FAM107B: variants seen among roughly 807,000 people sequenced by gnomAD.
FAM107B encodes the protein family with sequence similarity 107 member B.
FAM107B carries 21 observed loss-of-function variants against 31.5 expected under a neutral mutation model. The ratio of observed to expected loss-of-function variants is 0.67; its 90% CI spans 0.47 to 0.96. FAM107B has a LOEUF of 0.96. FAM107B is among the 40% of genes least tolerant of loss of function. The pLI is 0.00. For missense variants in FAM107B, 452 were observed against 377.1 expected (o/e 1.20, Z -1.64); for synonymous variants, 157 against 141.5 (o/e 1.11, Z -0.78).
At position 14,530,473 on chromosome 10, in the gene FAM107B, A is replaced by T. The variant is rs1176175658; in HGVS notation, c.512T>A (p.Ile171Asn). The stretch of plus-strand genomic sequence containing the variant: ...TGGCTCGGCCATGATGCTTCTTGTA[A>T]TGAGATATGAGTCCTTATGGTCAAT... ...EDIDHKDSYLITRSIMAEPDY... is the reference protein window; with the variant it reads ...EDIDHKDSYLNTRSIMAEPDY... The change falls in exon 3 of 5, where the codon ATT becomes AAT. Residue 171 changes from isoleucine to asparagine, a missense_variant. By Grantham distance (149) the Ile-to-Asn change is moderately radical (BLOSUM62 -3). Transcript: ENST00000181796. 1.2e-6 allele frequency: 2 copies of T among 1,614,028 alleles called. No individual in the cohort carries two copies. Among genetic ancestry groups the T allele is most frequent in the East Asian group, 4.5e-5 (2 of 44,886 alleles).
chr10:14,736,655 C>A (rs1041027100), intron 1 of FAM107B, among the ~76,000 whole-genome samples: 1 of 152,192 alleles, frequency 6.6e-6, no homozygotes, highest in African/African-American at 2.4e-5. Context: ...GAAAAACCTT[C>A]ACTAAGTATA....
chr10:14,567,776 G>T (rs989579715), intron 2 of FAM107B, among the ~76,000 whole-genome samples: 2 of 152,220 alleles, frequency 1.3e-5, no homozygotes, highest in African/African-American at 4.8e-5. Context: ...TGAGCTGAAG[G>T]ACAGAAGCTT....
intron 2 of FAM107B, among the ~76,000 whole-genome samples, chr10:14,659,478 A>T (rs72770512): frequency 0.15 from 21,071 of 144,448 alleles, 1,800 homozygotes; most frequent in South Asian, 0.28. Context: ...GCAAACAAAA[A>T]ACTGTCTGCC....
At chr10:14,696,475 G>T (rs1047935251) in intron 1 of FAM107B, among the ~76,000 whole-genome samples, 1 of 151,886 alleles carries the variant, frequency 6.6e-6, no homozygotes, top group Non-Finnish European at 1.5e-5. Context: ...CCTGGCTTAG[G>T]TACCAAGCAT....
chr10:14,718,403 A>G (rs1855830522), intron 1 of FAM107B, among the ~76,000 whole-genome samples: 1 of 149,762 alleles, frequency 6.7e-6, no homozygotes, highest in African/African-American at 2.5e-5. Flanking sequence ...GGAAAGGAAG[A>G]AAGAAAGAGG....
intron 1 of FAM107B, among the ~76,000 whole-genome samples, chr10:14,771,578 A>C (rs1833303913): frequency 6.9e-6 from 1 of 144,798 alleles, no homozygotes; most frequent in South Asian, 2.1e-4. Flanking sequence ...TACATACCCC[A>C]AAAAATATAC....
At chr10:14,604,716 C>T (rs1208028934) in intron 2 of FAM107B, among the ~76,000 whole-genome samples, 2 of 152,076 alleles carry the variant, frequency 1.3e-5, no homozygotes, top group African/African-American at 4.8e-5. Context: ...GCTCACTCTC[C>T]TTTTTTCTCA....
Position 14,522,012 on chromosome 10 carries a change from C to G in FAM107B, c.661G>C (p.Ala221Pro). 6.2e-7 allele frequency: 1 copy of G among 1,609,202 alleles called. No homozygotes were observed. Among genetic ancestry groups the G allele is most frequent in the Non-Finnish European group, 8.5e-7 (1 of 1,178,880 alleles). The change falls in exon 4 of 5, where the codon GCT becomes CCT. Residue 221 changes from alanine (A) to proline (P), a missense_variant. Ala to Pro is a conservative substitution (Grantham distance 27). Transcript: ENST00000181796. The stretch of plus-strand genomic sequence containing the variant: ...TGCAATTCTGGTTTGTTCTGAGGAG[C>G]AAGACCCCTGCGAAAGAGCATTAAC... Reference protein sequence around the residue: ...ELLMNQKRGLAPQNKPELQKV... With the variant: ...ELLMNQKRGLPPQNKPELQKV...
At chr10:14,608,504 A>T (rs935027213) in intron 2 of FAM107B, among the ~76,000 whole-genome samples, 1 of 152,306 alleles carries the variant, frequency 6.6e-6, no homozygotes, top group South Asian at 2.1e-4. Context: ...ATGTGTTTGC[A>T]GTCAACTGGG....
chr10:14,554,276 T>C (rs1320042559), intron 2 of FAM107B: 1 of 343,182 alleles, frequency 2.9e-6, no homozygotes, highest in Admixed American at 6.5e-5. Context: ...ACTGCAGGCA[T>C]GAGAAACATG....
chr10:14,692,526 G>A (rs771807952), intron 1 of FAM107B, among the ~76,000 whole-genome samples: 26 of 152,208 alleles, frequency 1.7e-4, no homozygotes, highest in Non-Finnish European at 3.7e-4. Context: ...ATAAATTCTG[G>A]AGAATTCATA....
In FAM107B at chr10:14,724,337, C is replaced by T. The variant is rs141061365; in HGVS notation, c.411+49916G>A. 5.4e-4 allele frequency among the ~76,000 whole-genome samples: 82 copies of T among 152,272 alleles called. No individual in the cohort carries two copies. In the East Asian group the frequency reaches 7.3e-3, roughly 14 times the overall value. ...TTTGCTTATGTCTATCCAGTTGTCC[C>T]AACACTATTTGTTGAAACCACTATT... On this transcript the variant is annotated intron_variant, in intron 1 of 4. Transcript: ENST00000181796.
intron 1 of FAM107B, among the ~76,000 whole-genome samples, chr10:14,726,204 G>T (rs1856032182): frequency 6.6e-6 from 1 of 152,166 alleles, no homozygotes; most frequent in South Asian, 2.1e-4. Context: ...TGTTGGCCAG[G>T]CTGGCCTTGA....
chr10:14,774,431 T>C lies in FAM107B; in HGVS notation c.233A>G (p.Asp78Gly). 6.2e-7 allele frequency: 1 copy of C among 1,614,214 alleles called. No individual in the cohort carries two copies. Among genetic ancestry groups the C allele is most frequent in the Non-Finnish European group, 8.5e-7 (1 of 1,180,032 alleles). ...SAEGAPEKRQ[D>G]SSTHAERNGS... ...ATTTCTCTCTGCATGGGTGCTCGAA[T>C]CTTGCCTTTTCTCTGGAGCTCCTTC... The change falls in exon 1 of 5, where the codon GAT becomes GGT. Residue 78 changes from aspartate to glycine, a missense_variant. Physicochemically the swap from Asp to Gly is moderately conservative, Grantham distance 94. Coordinates refer to ENST00000181796, the MANE Select transcript of FAM107B (RefSeq NM_031453.4).
chr10:14,603,821 G>A (rs1002782178), intron 2 of FAM107B, among the ~76,000 whole-genome samples: 1 of 151,820 alleles, frequency 6.6e-6, no homozygotes, highest in Non-Finnish European at 1.5e-5. Flanking sequence ...GGCTGGCGTC[G>A]GGGCGCGACC....
intron 2 of FAM107B, among the ~76,000 whole-genome samples, chr10:14,661,357 T>C (rs1347958478): frequency 6.6e-6 from 1 of 152,204 alleles, no homozygotes; most frequent in African/African-American, 2.4e-5. Context: ...GAGTTGAACA[T>C]CTAAATCAGT....
At chr10:14,548,716 T>A in intron 2 of FAM107B, 1 of 948,936 alleles carries the variant, frequency 1.1e-6, no homozygotes, top group Non-Finnish European at 1.3e-6. Flanking sequence ...ATGACCACTC[T>A]AGCCGCAAAA....
intron 1 of FAM107B, among the ~76,000 whole-genome samples, chr10:14,698,392 C>A (rs956205645): frequency 1.3e-5 from 2 of 152,170 alleles, no homozygotes; most frequent in Non-Finnish European, 2.9e-5. Flanking sequence ...TTCTGCTAAT[C>A]CGGGAGGATT....
At chr10:14,585,849 G>A (rs770737854) in intron 2 of FAM107B, among the ~76,000 whole-genome samples, 4 of 152,104 alleles carry the variant, frequency 2.6e-5, no homozygotes, top group Non-Finnish European at 4.4e-5. Flanking sequence ...CATATTAATT[G>A]TCGACCACAG....
Sources: allele counts gnomAD v4.1 joint callset (sites outside exome capture counted in the v4.1 genomes callset), GRCh38; gene constraint gnomAD v4.1.1; transcripts MANE v1.5; gene names NCBI Gene and HGNC (gene_info 2026-07-23, HGNC 2026-07-21).